The following XPO4 variants were observed in gnomAD, a reference collection of about 807,000 sequenced individuals.
The protein encoded by XPO4 is exportin 4.
XPO4 carries 39 observed loss-of-function variants against 143.0 expected under a neutral mutation model. That is an observed-to-expected ratio of 0.27 (90% CI 0.21 to 0.36). The LOEUF (loss-of-function observed/expected upper bound fraction) is 0.36, where lower values mean the gene tolerates loss of function less well. XPO4 is among the 10% of genes least tolerant of loss of function. The probability of loss-of-function intolerance (pLI) is 1.00; values close to 1 mark genes in which losing one functional copy is unlikely to be tolerated. For missense variants in XPO4, 907 were observed against 1,348.0 expected (o/e 0.67, Z 5.12); for synonymous variants, 439 against 474.0 (o/e 0.93, Z 0.96).
intron 4 of XPO4, among the ~76,000 whole-genome samples, chr13:20,845,424 A>G (rs2138068398): frequency 6.6e-6 from 1 of 152,284 alleles, no homozygotes; most frequent in Admixed American, 6.5e-5. Flanking sequence ...ACATTTTGTA[A>G]TTTTACTTCA....
intron 4 of XPO4, chr13:20,852,628 AAT>A: frequency 1.0e-6 from 1 of 959,180 alleles, no homozygotes; most frequent in Non-Finnish European, 1.2e-6. Flanking sequence ...ATTTGATTAT[AAT>A]ATTTTATAAC....
intron 7 of XPO4, among the ~76,000 whole-genome samples, chr13:20,826,556 A>G (rs1331511854): frequency 1.3e-5 from 2 of 152,270 alleles, no homozygotes; most frequent in African/African-American, 2.4e-5. Flanking sequence ...TGAAGGCAGA[A>G]GCAGGTAAGA....
At chr13:20,878,988 T>G (rs942830361) in intron 1 of XPO4, 1 of 616,800 alleles carries the variant, frequency 1.6e-6, no homozygotes, top group African/African-American at 2.0e-5. Context: ...GGACAAAATT[T>G]CTTAAAAATT....
At chr13:20,826,355 T>C (rs563812086) in intron 7 of XPO4, among the ~76,000 whole-genome samples, 15 of 152,334 alleles carry the variant, frequency 9.8e-5, no homozygotes, top group Non-Finnish European at 1.8e-4. Context: ...ACCTACACTC[T>C]AGAATAGCAG....
At chr13:20,866,278 A>G (rs2060244311) in intron 2 of XPO4, 4 of 984,928 alleles carry the variant, frequency 4.1e-6, no homozygotes, top group Non-Finnish European at 4.8e-6. Context: ...GAAAATAAAA[A>G]CTAGAATGAA....
intron 1 of XPO4, among the ~76,000 whole-genome samples, chr13:20,891,364 A>C (rs1392945412): frequency 6.6e-6 from 1 of 152,188 alleles, no homozygotes; most frequent in Admixed American, 6.5e-5. Context: ...ACATGTATTT[A>C]TCAAGTGCTT....
chr13:20,884,958 TTTTGTTTG>T (rs539510992), intron 1 of XPO4, among the ~76,000 whole-genome samples: 6 of 151,844 alleles, frequency 4.0e-5, no homozygotes, highest in African/African-American at 1.5e-4. Flanking sequence ...TGGTTTGTTT[TTTTGTTTG>T]TTTGTTTGTT....
At chr13:20,849,524 A>G (rs1291143114) in intron 4 of XPO4, 1 of 985,308 alleles carries the variant, frequency 1.0e-6, no homozygotes, top group Non-Finnish European at 1.2e-6. Context: ...AAGTTTCCAT[A>G]TCCCTCCCAA....
At chr13:20,822,380 C>T in intron 7 of XPO4, 91 bp from the exon 8 acceptor site, 1 of 1,099,720 alleles carries the variant, frequency 9.1e-7, no homozygotes, top group South Asian at 2.2e-5. Context: ...GACAAAAATT[C>T]ACTGTAGCTG....
chr13:20,796,258 T>TAA lies in XPO4; in HGVS notation c.2617-3_2617-2insTT. On this transcript the variant is annotated splice_polypyrimidine_tract_variant and splice_region_variant and intron_variant, in intron 17 of 22. Coordinates refer to ENST00000255305, the MANE Select transcript of XPO4 (RefSeq NM_022459.5). ...TTCATATAAGTTCATAGCTTTGGAC[T>TAA]GAAAAAAAAAAAAATGCACAAATTA... 6.6e-7 allele frequency: 1 copy of TAA among 1,521,886 alleles called. No homozygotes were observed. The allele number at this position is 1,521,886 out of a possible 1,614,324, so 94.3% of individuals were successfully genotyped here.
intron 7 of XPO4, among the ~76,000 whole-genome samples, chr13:20,823,284 A>G (rs2059742714): frequency 6.6e-6 from 1 of 151,848 alleles, no homozygotes; most frequent in Non-Finnish European, 1.5e-5. Flanking sequence ...AATTGTTTCT[A>G]AATTACTTCA....
intron 12 of XPO4, 151 bp from the exon 13 acceptor site, chr13:20,807,785 A>T (rs1292588567): frequency 1.6e-6 from 1 of 629,564 alleles, no homozygotes; most frequent in Non-Finnish European, 2.4e-6. Flanking sequence ...ATGCAAAAAA[A>T]ACTTTCTATG....
chr13:20,816,339 C>T (rs1358092428), intron 9 of XPO4, among the ~76,000 whole-genome samples: 1 of 152,020 alleles, frequency 6.6e-6, no homozygotes, highest in Non-Finnish European at 1.5e-5. Context: ...TATAGTGACA[C>T]AAATGTCACA....
chr13:20,864,625 C>T (rs1401224557), intron 2 of XPO4, among the ~76,000 whole-genome samples: 2 of 152,228 alleles, frequency 1.3e-5, no homozygotes, highest in Admixed American at 6.5e-5. Context: ...GAAGATAGAG[C>T]GAATAAGCAC....
Position 20,788,535 on chromosome 13 carries a change from C to T in XPO4, c.2998G>A (p.Glu1000Lys). 1 of 1,613,172 alleles carries T rather than the reference C, an allele frequency of 6.2e-7. No individual in the cohort carries two copies. Among genetic ancestry groups the T allele is most frequent in the Non-Finnish European group, 8.5e-7 (1 of 1,179,602 alleles). Residue 1000 changes from glutamate to lysine, a missense_variant, in exon 20 of 23, where the codon GAG (glutamate) becomes AAG (lysine). By Grantham distance (56) the Glu-to-Lys change is moderately conservative. Coordinates refer to ENST00000255305, the MANE Select transcript of XPO4 (RefSeq NM_022459.5). The part of the protein sequence containing the change: ...IFPEKIPQLP[E>K]DLFKSLMYSL... ...TACATCAGACTTTTAAACAGATCCT[C>T]AGGAAGCTGTGGTATTTTTTCAGGA...
At chr13:20,791,722 G>C (rs2059281756) in intron 18 of XPO4, among the ~76,000 whole-genome samples, 1 of 152,198 alleles carries the variant, frequency 6.6e-6, no homozygotes, top group Non-Finnish European at 1.5e-5. Flanking sequence ...GCAATGTATA[G>C]TTGACTCTGG....
chr13:20,858,592 C>T (rs2060166813), intron 3 of XPO4, among the ~76,000 whole-genome samples: 1 of 152,058 alleles, frequency 6.6e-6, no homozygotes, highest in Non-Finnish European at 1.5e-5. Flanking sequence ...TGTATGTAAG[C>T]CAGGTGTGGT....
At chr13:20,851,215 T>A in intron 4 of XPO4, 1 of 985,418 alleles carries the variant, frequency 1.0e-6, no homozygotes, top group Non-Finnish European at 1.2e-6. Context: ...GGCCTTCCTA[T>A]TGAGCTAGTT....
intron 13 of XPO4, among the ~76,000 whole-genome samples, chr13:20,806,593 G>GC (rs2059509551): frequency 8.8e-6 from 1 of 114,188 alleles, no homozygotes; most frequent in Non-Finnish European, 1.6e-5. Flanking sequence ...TTGCTCTGTC[G>GC]CCAGGCTGGA....
Sources: allele counts gnomAD v4.1 joint callset (sites outside exome capture counted in the v4.1 genomes callset), GRCh38; gene constraint gnomAD v4.1.1; transcripts MANE v1.5; gene names NCBI Gene and HGNC (gene_info 2026-07-23, HGNC 2026-07-21).